Variants in RORA observed in about 807,000 individuals in gnomAD.
RORA encodes nuclear receptor ROR-alpha.
In RORA, 7 loss-of-function variants were observed where a neutral mutation model predicts 69.5. That is an observed-to-expected ratio of 0.10 (90% CI 0.06 to 0.19). The LOEUF (loss-of-function observed/expected upper bound fraction) is 0.19, where lower values mean the gene tolerates loss of function less well. Among genes scored for constraint, RORA ranks in the 10% least tolerant of loss-of-function variants. The probability of loss-of-function intolerance (pLI) is 1.00; values close to 1 mark genes in which losing one functional copy is unlikely to be tolerated. For synonymous variants in RORA, 261 were observed against 240.8 expected, an observed-to-expected ratio of 1.08 and a Z score of -0.78; for missense variants, 457 against 663.0, an observed-to-expected ratio of 0.69 and a Z score of 3.41.
At chr15:60,678,498 G>A in intron 2 of RORA, 159 bp downstream of exon 2, 7 of 640,414 alleles carry the variant, frequency 1.1e-5, no homozygotes, top group Middle Eastern at 3.2e-4. Context: ...AGGTGGAGAT[G>A]TGCCACTTCC....
intron 1 of RORA, among the ~76,000 whole-genome samples, chr15:61,060,040 GAA>G (rs2078159720): frequency 1.4e-5 from 2 of 145,926 alleles, no homozygotes; most frequent in African/African-American, 5.1e-5. Context: ...AGAAGAAGAA[GAA>G]GAAGAAGAAA....
At chr15:60,742,110 T>C (rs1242673771) in intron 1 of RORA, among the ~76,000 whole-genome samples, 1 of 152,162 alleles carries the variant, frequency 6.6e-6, no homozygotes, top group East Asian at 1.9e-4. Flanking sequence ...TATCTATCTA[T>C]ATGTATAGAT....
intron 1 of RORA, among the ~76,000 whole-genome samples, chr15:60,699,845 T>TA (rs372408592): frequency 7.1e-4 from 104 of 146,236 alleles, no homozygotes; most frequent in Middle Eastern, 3.5e-3. Flanking sequence ...CTGATTCTAT[T>TA]AAAAAAAAAA....
At chr15:60,741,950 G>A (rs1197095592) in intron 1 of RORA, among the ~76,000 whole-genome samples, 1 of 152,052 alleles carries the variant, frequency 6.6e-6, no homozygotes, top group Non-Finnish European at 1.5e-5. Flanking sequence ...TCTGGACAGC[G>A]CCTGCGAGTT....
At chr15:60,804,864 G>T (rs923520175) in intron 1 of RORA, among the ~76,000 whole-genome samples, 2 of 151,982 alleles carry the variant, frequency 1.3e-5, no homozygotes, top group African/African-American at 4.8e-5. Flanking sequence ...ATTATAATAG[G>T]CTCTCTCTTT....
At chr15:60,764,482 GT>G (rs370924456) in intron 1 of RORA, among the ~76,000 whole-genome samples, 5,169 of 149,206 alleles carry the variant, frequency 0.035, 124 homozygotes, top group Non-Finnish European at 0.051. Flanking sequence ...TTTGGAGTGA[GT>G]TTTTTTTTTA....
chr15:60,976,779 A>G (rs1011157949), intron 1 of RORA, among the ~76,000 whole-genome samples: 5 of 152,136 alleles, frequency 3.3e-5, no homozygotes, highest in Non-Finnish European at 7.4e-5. Context: ...GTGAGCAGGG[A>G]TTGCAGGGGC....
intron 1 of RORA, 80 bp from the exon 2 acceptor site, chr15:60,678,766 T>C: frequency 8.0e-7 from 1 of 1,242,978 alleles, no homozygotes; most frequent in South Asian, 1.2e-5. Context: ...CCCAGTGTGC[T>C]CAGGAAGGCG....
intron 1 of RORA, among the ~76,000 whole-genome samples, chr15:60,882,636 TACACACACACACACACACAC>T (rs67057464): frequency 2.0e-5 from 3 of 147,494 alleles, no homozygotes; most frequent in African/African-American, 7.6e-5. Context: ...GGAGCTTAAC[TACACACACACACACACACAC>T]ACACACACAC....
chr15:60,706,269 A>C (rs75752939), intron 1 of RORA: 1 of 152,218 alleles, frequency 6.6e-6, no homozygotes, highest in Non-Finnish European at 1.5e-5. Context: ...GAAGGACAGC[A>C]TGGGTAGTAC....
chr15:60,592,497 G>T, intron 2 of RORA: 1 of 1,326,362 alleles, frequency 7.5e-7, no homozygotes, highest in Non-Finnish European at 9.6e-7. Flanking sequence ...CGCCGCCGCC[G>T]CCCGAGCCAC....
intron 2 of RORA, among the ~76,000 whole-genome samples, chr15:60,643,222 G>A (rs75120204): frequency 0.059 from 8,960 of 152,152 alleles, 641 homozygotes; most frequent in African/African-American, 0.17. Flanking sequence ...ATCTTTTTAT[G>A]TATTCTATGT....
rs552351855 is a variant in RORA, at chr15:60,844,086, C to T, written c.167-165400G>A. Among the ~76,000 whole-genome samples, 30 of 152,268 alleles carry T rather than the reference C, an allele frequency of 2.0e-4. 1 individual carries two copies. The highest frequency in any genetic ancestry group is 7.2e-4 in the African/African-American group (30 of 41,548). On this transcript the variant is annotated intron_variant, in intron 1 of 10. Transcript: ENST00000335670. ...GACTTTGAGGATGGAGTTTAAATGC[C>T]TGCTCCTTTTCATAGCCTCCTCTGG... is the stretch of plus-strand genomic sequence containing the variant.
intron 1 of RORA, among the ~76,000 whole-genome samples, chr15:61,175,497 A>G (rs1287916940): frequency 2.7e-5 from 4 of 150,010 alleles, no homozygotes; most frequent in Non-Finnish European, 5.9e-5. Flanking sequence ...GCTTGAGTCC[A>G]TGAGTTCAAG....
At chr15:61,200,925 A>C (rs1404064705) in intron 1 of RORA, among the ~76,000 whole-genome samples, 3 of 152,210 alleles carry the variant, frequency 2.0e-5, no homozygotes, top group Non-Finnish European at 2.9e-5. Flanking sequence ...CCAGGGAAAA[A>C]AAAATGCAAA....
At chr15:60,877,109 A>C (rs1250512709) in intron 1 of RORA, among the ~76,000 whole-genome samples, 1 of 152,254 alleles carries the variant, frequency 6.6e-6, no homozygotes, top group Non-Finnish European at 1.5e-5. Context: ...AGTTAAAAAA[A>C]TACTTTGCAG....
chr15:60,997,347 T>C (rs931639118), intron 1 of RORA, among the ~76,000 whole-genome samples: 1 of 152,110 alleles, frequency 6.6e-6, no homozygotes, highest in Non-Finnish European at 1.5e-5. Context: ...AGGAAAACAA[T>C]TTGTCTACGA....
intron 1 of RORA, among the ~76,000 whole-genome samples, chr15:61,014,276 T>C (rs1238721313): frequency 2.0e-5 from 3 of 152,218 alleles, no homozygotes; most frequent in Non-Finnish European, 2.9e-5. Flanking sequence ...TTGAGATTAT[T>C]ACAGTGTATT....
chr15:60,857,120 T>G (rs1178389714), intron 1 of RORA, among the ~76,000 whole-genome samples: 1 of 152,166 alleles, frequency 6.6e-6, no homozygotes, highest in Non-Finnish European at 1.5e-5. Context: ...TATAAGGACC[T>G]TGCAGGCTCG....
Sources: allele counts gnomAD v4.1 joint callset (sites outside exome capture counted in the v4.1 genomes callset), GRCh38; gene constraint gnomAD v4.1.1; transcripts MANE v1.5; gene names NCBI Gene and HGNC (gene_info 2026-07-23, HGNC 2026-07-21).